The following TIAM1 variants were observed in gnomAD, a reference collection of about 807,000 sequenced individuals.
TIAM1 encodes rho guanine nucleotide exchange factor TIAM1.
A neutral mutation model predicts 163.5 loss-of-function variants in TIAM1; 65 were observed. That is an observed-to-expected ratio of 0.40 (90% CI 0.33 to 0.49). The LOEUF (loss-of-function observed/expected upper bound fraction) is 0.49. TIAM1 is among the 20% of genes least tolerant of loss of function. The pLI, the probability that TIAM1 is intolerant of heterozygous loss-of-function variation, is 0.77. For synonymous variants in TIAM1, 833 were observed against 810.1 expected (o/e 1.03, Z -0.48); for missense variants, 1,789 against 2,044.7 (o/e 0.87, Z 2.41).
chr21:31,382,807 G>A lies in TIAM1; in HGVS notation c.-368-43385C>T, dbSNP rs572845233. ...GCATGTGATTCTAGTGTGAAACAAC[G>A]ACCCATGTGTCATTATTGGTTCAAG... On this transcript the variant is annotated intron_variant, in intron 2 of 28. Coordinates refer to the TIAM1 transcript ENST00000286827. 5.2e-3 allele frequency among the ~76,000 whole-genome samples: 785 copies of A among 152,264 alleles called. 21 individuals are homozygous for A. Among genetic ancestry groups the A allele is most frequent in the Admixed American group, 0.043 (651 of 15,280 alleles).
In TIAM1 at chr21:31,120,120, T is replaced by C; in HGVS notation, c.*248A>G. On this transcript the variant is annotated 3_prime_UTR_variant, in exon 28 of 28. Transcript: ENST00000541036. This position sits in a 1 kb window ranked among gnomAD's most constrained non-coding sequence, Gnocchi z 4.2. ...TGTTCAGGCCCTGATTTATTGAGAA[T>C]AAATAAAAGCCCTTAGTAATATACA... 2 of 436,642 alleles carry C rather than the reference T, an allele frequency of 4.6e-6. No homozygotes were observed. The highest frequency in any genetic ancestry group is 1.1e-4 in the South Asian group (2 of 17,616). 27.0% of individuals were successfully genotyped at this position (436,642 alleles called of 1,614,324 possible).
chr21:31,482,625 G>A (rs2147398675), intron 1 of TIAM1, among the ~76,000 whole-genome samples: 1 of 152,306 alleles, frequency 6.6e-6, no homozygotes, highest in African/African-American at 2.4e-5. Flanking sequence ...GGAGGTGGGA[G>A]GAGAGAGCGC....
chr21:31,278,210 A>G (rs2073390309), intron 2 of TIAM1, among the ~76,000 whole-genome samples: 1 of 152,240 alleles, frequency 6.6e-6, no homozygotes, highest in African/African-American at 2.4e-5. Flanking sequence ...AGAACTTTCC[A>G]TTGTATACAC....
chr21:31,432,469 A>G (rs1352696891), intron 2 of TIAM1, among the ~76,000 whole-genome samples: 1 of 152,180 alleles, frequency 6.6e-6, no homozygotes, highest in Admixed American at 6.5e-5. Flanking sequence ...TACCAAAGCG[A>G]GGAGCCAGAG....
upstream of TIAM1, among the ~76,000 whole-genome samples, chr21:31,346,444 T>C (rs979607170): frequency 6.6e-6 from 1 of 152,136 alleles, no homozygotes; most frequent in African/African-American, 2.4e-5. Context: ...GGTGCAGCCT[T>C]GGCATCCATG....
intron 1 of TIAM1, among the ~76,000 whole-genome samples, chr21:31,499,428 G>C (rs2046774381): frequency 6.6e-6 from 1 of 152,028 alleles, no homozygotes; most frequent in Non-Finnish European, 1.5e-5. Flanking sequence ...AGGCATGGCA[G>C]TACACGCTGC....
In TIAM1 at chr21:31,312,351, T is replaced by C. The variant is rs2074960575; in HGVS notation, c.-189+26892A>G. Among the ~76,000 whole-genome samples the C allele has an allele frequency of 2.6e-5, 4 of 152,086 alleles. No individual in the cohort carries two copies. The South Asian group carries it at 8.3e-4, about 31-fold the overall frequency. ...TAATGACCCCCTCCCAGGTGAGCCA[T>C]GAGAGTTAAGCACATAATACTGGTC... On this transcript the variant is annotated intron_variant, in intron 2 of 27. Coordinates refer to ENST00000541036, the MANE Select transcript of TIAM1 (RefSeq NM_001353694.2).
At chr21:31,404,505 G>A (rs552159391) in intron 2 of TIAM1, among the ~76,000 whole-genome samples, 1 of 147,760 alleles carries the variant, frequency 6.8e-6, no homozygotes, top group African/African-American at 2.6e-5. Context: ...AAAAAAAAGT[G>A]TATGCCAAGC....
Position 31,120,734 on chromosome 21 carries a change from C to T in TIAM1, c.4410G>A (p.Glu1470=). 2 of 1,614,120 alleles carry T rather than the reference C, an allele frequency of 1.2e-6. No individual in the cohort carries two copies. The highest frequency in any genetic ancestry group is 1.7e-6 in the Non-Finnish European group (2 of 1,180,014). Residue 1470 remains glutamate, a synonymous_variant, in exon 28 of 28, where the codon GAG becomes GAA. Coordinates refer to ENST00000541036, the MANE Select transcript of TIAM1 (RefSeq NM_001353694.2). This position sits in a 1 kb window ranked among gnomAD's most constrained non-coding sequence, Gnocchi z 4.2. The part of the protein sequence containing the change: ...DAVSASSPEK[E]SQQPPGGGDT... The stretch of plus-strand genomic sequence containing the variant: ...CCCCACCACCGGGGGGCTGCTGGGA[C>T]TCTTTCTCCGGGCTGCTTGCGGAGA...
At chr21:31,137,386 G>A (rs1403538833) in intron 22 of TIAM1, among the ~76,000 whole-genome samples, 2 of 152,168 alleles carry the variant, frequency 1.3e-5, no homozygotes, top group Admixed American at 6.5e-5. Flanking sequence ...TTTTTAAGCA[G>A]CCATATTATT....
At chr21:31,347,100 T>A (rs979094454), upstream of TIAM1, among the ~76,000 whole-genome samples, 1 of 152,178 alleles carries the variant, frequency 6.6e-6, no homozygotes, top group Non-Finnish European at 1.5e-5. Context: ...GTCCCCACCT[T>A]CTTCCCTATC....
chr21:31,531,043 T>G (rs905920448), intron 1 of TIAM1, among the ~76,000 whole-genome samples: 2 of 152,054 alleles, frequency 1.3e-5, no homozygotes, highest in Non-Finnish European at 2.9e-5. Context: ...AAGCAGAATC[T>G]CATCTCCCCA....
intron 15 of TIAM1, among the ~76,000 whole-genome samples, chr21:31,176,611 C>T (rs781216669): frequency 3.3e-5 from 5 of 152,004 alleles, no homozygotes; most frequent in African/African-American, 4.8e-5. Context: ...AACCAAGGAA[C>T]GGGAGAATGG....
intron 1 of TIAM1, among the ~76,000 whole-genome samples, chr21:31,498,321 G>A (rs1240191231): frequency 6.6e-6 from 1 of 152,224 alleles, no homozygotes; most frequent in African/African-American, 2.4e-5. Context: ...CATGGGACTT[G>A]AGCAAGCTCT....
intron 2 of TIAM1, among the ~76,000 whole-genome samples, chr21:31,288,455 T>G (rs557389161): frequency 2.0e-5 from 3 of 152,218 alleles, no homozygotes; most frequent in African/African-American, 7.2e-5. Context: ...CATCCTCTCC[T>G]GATAGAAAGG....
At chr21:31,152,848 A>G in intron 18 of TIAM1, 87 bp from the exon 19 acceptor site, 1 of 1,507,882 alleles carries the variant, frequency 6.6e-7, no homozygotes, top group Admixed American at 2.2e-5. Context: ...TTTTTCTATC[A>G]ATTCTTATCA....
intron 1 of TIAM1, among the ~76,000 whole-genome samples, chr21:31,503,587 A>AG (rs1470982509): frequency 4.4e-5 from 1 of 22,878 alleles, no homozygotes; most frequent in Non-Finnish European, 7.9e-5. Flanking sequence ...AAAGAGAAAG[A>AG]GAGGAGGGGA....
At chr21:31,126,933 C>A in intron 26 of TIAM1, 132 bp downstream of exon 26, 1 of 812,484 alleles carries the variant, frequency 1.2e-6, no homozygotes, top group East Asian at 2.6e-5. Context: ...CCAGCTGACT[C>A]TCCATTTACT....
At chr21:31,536,697 T>G (rs2048146939) in intron 1 of TIAM1, among the ~76,000 whole-genome samples, 1 of 151,934 alleles carries the variant, frequency 6.6e-6, no homozygotes, top group Non-Finnish European at 1.5e-5. Flanking sequence ...GAGAAACGGG[T>G]GGAACAGGGC....
Sources: gnomAD v4.1 joint callset for allele counts (sites outside exome capture counted in the v4.1 genomes callset) on GRCh38, gnomAD v4.1.1 for gene constraint, Gnocchi (gnomAD v3.1) non-coding constraint, MANE v1.5 for transcripts, NCBI Gene and HGNC (gene_info 2026-07-23, HGNC 2026-07-21) for gene names.